The following NID1 variants were observed in gnomAD, a reference collection of about 807,000 sequenced individuals.
NID1 encodes the protein nidogen-1.
In NID1, 76 loss-of-function variants were observed where a neutral mutation model predicts 130.6. The observed-to-expected ratio is 0.58, with a 90% CI of 0.48 to 0.70. The LOEUF (loss-of-function observed/expected upper bound fraction) is 0.70. Among genes scored for constraint, NID1 ranks in the 30% least tolerant of loss-of-function variants. NID1 has a pLI of 0.00. For synonymous variants in NID1, 665 were observed against 675.1 expected (o/e 0.98, Z 0.23); for missense variants, 1,517 against 1,664.8 (o/e 0.91, Z 1.54).
chr1:235,980,038 A>T (rs1657392846), intron 17 of NID1, 93 bp from the exon 18 acceptor site: 1 of 1,392,690 alleles, frequency 7.2e-7, no homozygotes, highest in Admixed American at 1.7e-5. Context: ...AGAGTGGGAG[A>T]AATTAAGCAT....
intron 1 of NID1, among the ~76,000 whole-genome samples, chr1:236,055,120 C>T (rs943414691): frequency 1.9e-4 from 29 of 151,728 alleles, no homozygotes; most frequent in African/African-American, 4.8e-4. Flanking sequence ...CTGGGTAACA[C>T]GGTGAAACCC....
In NID1 at chr1:236,013,457, G is replaced by A. The variant is rs138867316; in HGVS notation, c.2358C>T (p.Thr786=). The part of the protein sequence containing the change: ...QCIYTGGSSY[T]CSCLPGFSGD... ...CAGAAAAGCCTGGCAAGCAGGAACAGGTGTAGGAGGAGCCTCCTGTGTAGA... is the reference window on the plus strand; with the variant it reads ...CAGAAAAGCCTGGCAAGCAGGAACAAGTGTAGGAGGAGCCTCCTGTGTAGA... Residue 786 remains threonine, a synonymous_variant, in exon 11 of 20, where the codon ACC becomes ACT. Coordinates refer to ENST00000264187, the MANE Select transcript of NID1 (RefSeq NM_002508.3). The A allele has an allele frequency of 6.8e-6, 11 of 1,614,156 alleles. No individual in the cohort carries two copies. The highest frequency in any genetic ancestry group is 9.3e-6 in the Non-Finnish European group (11 of 1,180,036).
rs145820513 is a variant in NID1, at chr1:235,981,619, G to T, written c.3219C>A (p.Ser1073=). ...LVNPRGIVTD[S]VRGNLYWTDW... is the part of the protein sequence containing the mutation. ...TATTTACACAAAGATACCCTCTCAC[G>T]GAATCCGTTACAATGCCTCTGGGAT... The change falls in exon 16 of 20, where the codon TCC becomes TCA. Residue 1073 remains serine (S), a synonymous_variant. Transcript: ENST00000264187. 4,664 of 1,611,316 alleles carry T rather than the reference G, an allele frequency of 2.9e-3. 11 individuals are homozygous for T. Among genetic ancestry groups the T allele is most frequent in the Admixed American group, 5.2e-3 (309 of 59,226 alleles).
intron 12 of NID1, among the ~76,000 whole-genome samples, chr1:236,001,192 GC>G (rs1658066544): frequency 6.6e-6 from 1 of 150,392 alleles, no homozygotes; most frequent in South Asian, 2.1e-4. Flanking sequence ...CGCAACCTCT[GC>G]CTCCCGGGTT....
chr1:236,058,702 C>A lies in NID1; in HGVS notation c.225+6153G>T, dbSNP rs901536400. Among the ~76,000 whole-genome samples, 7 of 152,238 alleles carry A rather than the reference C, an allele frequency of 4.6e-5. No individual in the cohort carries two copies. The East Asian group carries it at 5.8e-4, about 13-fold the overall frequency. On this transcript the variant is annotated intron_variant, in intron 1 of 19. Transcript: ENST00000264187. ...CCAAATACTCCCTGAAAAAGTGAAA[C>A]AACAGCCACTTGGCCGGGGGCTTAG... is the stretch of plus-strand genomic sequence containing the variant.
rs114375273 is a variant in NID1 at position 236,024,884 on chromosome 1, G to A, written c.1985-671C>T. Among the ~76,000 whole-genome samples, 366 of 152,106 alleles carry A rather than the reference G, an allele frequency of 2.4e-3. 3 individuals carry two copies. The highest frequency in any genetic ancestry group is 8.5e-3 in the African/African-American group (353 of 41,494). ...AGCGCCAGTGATGCAGAGTCACAGG[G>A]CAAGCGTTTCTTTTAGGCTCCCTCC... is the stretch of plus-strand genomic sequence containing the variant. On this transcript the variant is annotated intron_variant, in intron 8 of 19. Transcript: ENST00000264187.
chr1:236,061,744 C>T (rs966720975), intron 1 of NID1, among the ~76,000 whole-genome samples: 1 of 151,372 alleles, frequency 6.6e-6, no homozygotes, highest in Non-Finnish European at 1.5e-5. Flanking sequence ...AAAAAAAACA[C>T]GATTTTTTTT....
intron 12 of NID1, among the ~76,000 whole-genome samples, chr1:235,997,212 A>G (rs1472505495): frequency 1.3e-5 from 2 of 152,124 alleles, no homozygotes; most frequent in African/African-American, 4.8e-5. Flanking sequence ...TTCTCCTGTT[A>G]AGAGGAAGAA....
rs571262122 is a variant in NID1, at chr1:236,049,003, A to C, written c.226-14T>G. On this transcript the variant is annotated splice_polypyrimidine_tract_variant and intron_variant, in intron 1 of 19. Coordinates refer to ENST00000264187, the MANE Select transcript of NID1 (RefSeq NM_002508.3). ...ATTTGTGGTGACCTGTACAAAACCAAGTGTGGTTAAAAGGAATGCAGAAAC... is the reference window on the plus strand; with the variant it reads ...ATTTGTGGTGACCTGTACAAAACCACGTGTGGTTAAAAGGAATGCAGAAAC... 6.7e-5 allele frequency: 107 copies of C among 1,607,498 alleles called. 1 individual carries two copies. In the Middle Eastern group the frequency reaches 8.3e-4, roughly 12 times the overall value.
At chr1:236,052,241 A>G (rs772518397) in intron 1 of NID1, among the ~76,000 whole-genome samples, 13 of 152,232 alleles carry the variant, frequency 8.5e-5, no homozygotes, top group Non-Finnish European at 1.9e-4. Flanking sequence ...AAAGTCTGTC[A>G]AATGCACGAT....
chr1:236,025,784 T>G, intron 8 of NID1, 112 bp downstream of exon 8: 2 of 1,381,156 alleles, frequency 1.4e-6, no homozygotes, highest in Non-Finnish European at 2.0e-6. Context: ...AGAAGATACT[T>G]TAGCATAATT....
intron 15 of NID1, among the ~76,000 whole-genome samples, chr1:235,982,022 T>A (rs953279964): frequency 8.5e-5 from 13 of 152,204 alleles, no homozygotes; most frequent in Admixed American, 1.3e-4. Context: ...ACCAGGACAG[T>A]AACAATGACT....
chr1:236,011,233 G>A (rs1482650270), intron 12 of NID1, among the ~76,000 whole-genome samples: 1 of 151,824 alleles, frequency 6.6e-6, no homozygotes, highest in Non-Finnish European at 1.5e-5. Flanking sequence ...ACCAACAACA[G>A]CAGCAGTAAT....
chr1:236,045,651 A>C lies in NID1; in HGVS notation c.558T>G (p.Ser186=). The C allele has an allele frequency of 6.2e-7, 1 of 1,614,116 alleles. No individual in the cohort carries two copies. The highest frequency in any genetic ancestry group is 1.7e-5 in the Admixed American group (1 of 60,014). Residue 186 remains serine, a synonymous_variant, in exon 3 of 20, where the codon TCT becomes TCG. Coordinates refer to ENST00000264187, the MANE Select transcript of NID1 (RefSeq NM_002508.3). ...GGAAAATGGCATAGGAGCTGGAATCAGAGGAGGCTAGAACAGCCTGGAACG... is the reference window on the plus strand; with the variant it reads ...GGAAAATGGCATAGGAGCTGGAATCCGAGGAGGCTAGAACAGCCTGGAACG... ...RNTFQAVLAS[S]DSSSYAIFLY... is the part of the protein sequence containing the mutation.
At chr1:235,989,489 A>C (rs1657667321) in intron 14 of NID1, among the ~76,000 whole-genome samples, 1 of 152,144 alleles carries the variant, frequency 6.6e-6, no homozygotes, top group Non-Finnish European at 1.5e-5. Context: ...TATTTTTTTG[A>C]GTGCTTCCTA....
In NID1 at chr1:236,028,037, T is replaced by C. The variant is rs114336931; in HGVS notation, c.1738+1513A>G. Among the ~76,000 whole-genome samples, 584 of 152,234 alleles carry C rather than the reference T, an allele frequency of 3.8e-3. 7 individuals carry two copies. The highest frequency in any genetic ancestry group is 0.013 in the African/African-American group (560 of 41,544). ...GACTCGGCACTTCTATTTCTAGGAA[T>C]TGAGTCTTAGAAAAGAATCAGAAAT... On this transcript the variant is annotated intron_variant, in intron 7 of 19. Coordinates refer to ENST00000264187, the MANE Select transcript of NID1 (RefSeq NM_002508.3).
chr1:236,012,281 G>A (rs540054152), intron 11 of NID1, among the ~76,000 whole-genome samples: 4 of 152,234 alleles, frequency 2.6e-5, no homozygotes, highest in Admixed American at 2.6e-4. Flanking sequence ...TTTTGGCCAG[G>A]CACCGTGGCT....
rs1422297979 is a variant in NID1, at chr1:235,980,476, A to C, written c.3385+20T>G. 6.2e-7 allele frequency: 1 copy of C among 1,613,668 alleles called. No homozygotes were observed. The highest frequency in any genetic ancestry group is 1.7e-5 in the Admixed American group (1 of 60,014). ...TAGGAGATTGAGACCCGCCCTGGACAGTGTCCAGCTTTCCATCACCTGCAT... is the reference window on the plus strand; with the variant it reads ...TAGGAGATTGAGACCCGCCCTGGACCGTGTCCAGCTTTCCATCACCTGCAT... On this transcript the variant is annotated intron_variant, in intron 17 of 19. Coordinates refer to ENST00000264187, the MANE Select transcript of NID1 (RefSeq NM_002508.3).
At chr1:235,983,347 C>T (rs1657489922) in intron 15 of NID1, among the ~76,000 whole-genome samples, 1 of 152,194 alleles carries the variant, frequency 6.6e-6, no homozygotes, top group South Asian at 2.1e-4. Context: ...CCCACTTGAA[C>T]AAGATCTTTA....
Sources: allele counts gnomAD v4.1 joint callset (sites outside exome capture counted in the v4.1 genomes callset), GRCh38; gene constraint gnomAD v4.1.1; transcripts MANE v1.5; gene names NCBI Gene and HGNC (gene_info 2026-07-23, HGNC 2026-07-21).